RBFOX1: variants seen among roughly 807,000 people sequenced by gnomAD.
RBFOX1 encodes RNA binding fox-1 homolog 1, also known as RNA binding protein fox-1 homolog 1.
Under a neutral mutation model 57.7 loss-of-function variants are expected in RBFOX1, and 8 were observed. That is an observed-to-expected ratio of 0.14 (90% CI 0.08 to 0.25). The LOEUF (loss-of-function observed/expected upper bound fraction) is 0.25. Ranked by LOEUF, RBFOX1 falls within the 10% of genes least tolerant of loss-of-function variation. The pLI, the probability that RBFOX1 is intolerant of heterozygous loss-of-function variation, is 1.00. For synonymous variants in RBFOX1, 326 were observed against 222.4 expected (o/e 1.47, Z -4.15); for missense variants, 611 against 548.5 (o/e 1.11, Z -1.14).
At chr16:6,231,239 G>T (rs112584887) in intron 1 of RBFOX1, among the ~76,000 whole-genome samples, 46 of 149,342 alleles carry the variant, frequency 3.1e-4, no homozygotes, top group South Asian at 1.1e-3. Flanking sequence ...TGTGTGTGTA[G>T]GTGTGTGTGT....
downstream of RBFOX1, chr16:5,601,039 A>T (rs1350304886): frequency 6.6e-6 from 1 of 152,256 alleles, no homozygotes; most frequent in African/African-American, 2.4e-5. Flanking sequence ...AAGTCTGTGA[A>T]GTATTCTTCC....
At chr16:7,302,949 A>T (rs1470641045) in intron 4 of RBFOX1, among the ~76,000 whole-genome samples, 5 of 151,096 alleles carry the variant, frequency 3.3e-5, no homozygotes, top group East Asian at 3.9e-4. Flanking sequence ...AGGCAAGAAT[A>T]AAAAAAATAA....
At chr16:5,340,771 G>A (rs977027145) in intron 1 of RBFOX1, among the ~76,000 whole-genome samples, 5 of 152,186 alleles carry the variant, frequency 3.3e-5, no homozygotes, top group South Asian at 2.1e-4. Context: ...TGGAGACACC[G>A]TGATGAATAC....
At chr16:7,686,213 G>A (rs2076033097) in intron 14 of RBFOX1, among the ~76,000 whole-genome samples, 1 of 151,790 alleles carries the variant, frequency 6.6e-6, no homozygotes, top group Non-Finnish European at 1.5e-5. Flanking sequence ...AGTTTCCTGT[G>A]GAAACGGGTT....
intron 3 of RBFOX1, among the ~76,000 whole-genome samples, chr16:6,824,972 T>TTTCC (rs1409614962): frequency 1.4e-5 from 2 of 147,466 alleles, no homozygotes; most frequent in African/African-American, 5.0e-5. Context: ...TTCTTTTTTC[T>TTTCC]TTCTTTCTTG....
intron 4 of RBFOX1, among the ~76,000 whole-genome samples, chr16:5,953,405 T>C (rs745784017): frequency 2.6e-5 from 4 of 152,194 alleles, no homozygotes; most frequent in Non-Finnish European, 5.9e-5. Context: ...GTAAGTTCTT[T>C]AGGGGTGATT....
At chr16:5,390,392 G>T (rs189178120) in intron 1 of RBFOX1, among the ~76,000 whole-genome samples, 2 of 150,818 alleles carry the variant, frequency 1.3e-5, no homozygotes, top group African/African-American at 4.9e-5. Flanking sequence ...GGGTTCAAGC[G>T]ATTCTCCTGC....
intron 3 of RBFOX1, among the ~76,000 whole-genome samples, chr16:6,891,125 C>T (rs2065313849): frequency 6.6e-6 from 1 of 152,210 alleles, no homozygotes; most frequent in African/African-American, 2.4e-5. Flanking sequence ...TCATTAGTGA[C>T]TTTCAGTTAA....
intron 1 of RBFOX1, among the ~76,000 whole-genome samples, chr16:5,348,902 A>G (rs904700191): frequency 1.3e-5 from 2 of 152,190 alleles, no homozygotes; most frequent in African/African-American, 4.8e-5. Flanking sequence ...TCTCTCTGAG[A>G]TCCTAATTTC....
chr16:6,341,119 A>T (rs1404156729), intron 2 of RBFOX1, among the ~76,000 whole-genome samples: 1 of 152,184 alleles, frequency 6.6e-6, no homozygotes, highest in East Asian at 1.9e-4. Flanking sequence ...TTTCTGTCTT[A>T]CAGTTCTGGA....
At chr16:5,952,518 C>G (rs904375964) in intron 4 of RBFOX1, among the ~76,000 whole-genome samples, 1 of 152,150 alleles carries the variant, frequency 6.6e-6, no homozygotes, top group African/African-American at 2.4e-5. Context: ...AACCACTGAC[C>G]TCAGGTGATC....
At chr16:5,671,647 C>T (rs945841198) in intron 3 of RBFOX1, among the ~76,000 whole-genome samples, 4 of 152,126 alleles carry the variant, frequency 2.6e-5, no homozygotes, top group African/African-American at 9.7e-5. Flanking sequence ...TACAGAAATG[C>T]ACAGTTTGAT....
chr16:5,659,066 CT>C (rs2049558424), intron 3 of RBFOX1, among the ~76,000 whole-genome samples: 1 of 151,848 alleles, frequency 6.6e-6, no homozygotes, highest in African/African-American at 2.4e-5. Context: ...GCTTTTAGTT[CT>C]TTAAGGAATC....
intron 1 of RBFOX1, among the ~76,000 whole-genome samples, chr16:5,274,695 G>C (rs1286648420): frequency 6.6e-6 from 1 of 152,182 alleles, no homozygotes; most frequent in Non-Finnish European, 1.5e-5. Context: ...TTAGTGGATG[G>C]GTTATTTTGC....
chr16:6,088,979 C>T (rs2152526104), intron 1 of RBFOX1, among the ~76,000 whole-genome samples: 1 of 151,628 alleles, frequency 6.6e-6, no homozygotes, highest in East Asian at 1.9e-4. Context: ...GCCTGTAATC[C>T]CAGCTACTCG....
chr16:5,911,123 C>T (rs2058592653), intron 4 of RBFOX1, among the ~76,000 whole-genome samples: 1 of 152,150 alleles, frequency 6.6e-6, no homozygotes, highest in Non-Finnish European at 1.5e-5. Flanking sequence ...ATTGGACTGG[C>T]ATTGATGGAG....
chr16:7,616,309 G>A lies in RBFOX1; in HGVS notation c.676+8971G>A, dbSNP rs2058434488. Among the ~76,000 whole-genome samples, 4 of 152,220 alleles carry A rather than the reference G, an allele frequency of 2.6e-5. No homozygotes were observed. In the South Asian group the frequency reaches 8.3e-4, roughly 32 times the overall value. ...TCTCACCGTGCAGTCACACAGATGT[G>A]CTTAATTTTTCCAGAAATGGCATGT... On this transcript the variant is annotated intron_variant, in intron 10 of 15. Coordinates refer to ENST00000550418, the MANE Select transcript of RBFOX1 (RefSeq NM_018723.4).
intron 3 of RBFOX1, among the ~76,000 whole-genome samples, chr16:5,770,611 C>G (rs934182490): frequency 1.3e-4 from 20 of 152,052 alleles, no homozygotes; most frequent in African/African-American, 4.8e-4. Context: ...CTCTGTTGCT[C>G]TAGTAAACAC....
intron 3 of RBFOX1, among the ~76,000 whole-genome samples, chr16:5,758,885 A>C (rs1435012389): frequency 6.6e-6 from 1 of 152,202 alleles, no homozygotes; most frequent in African/African-American, 2.4e-5. Flanking sequence ...CTGACCCTCC[A>C]TGCAACATGA....
Sources: gnomAD v4.1 joint callset for allele counts (sites outside exome capture counted in the v4.1 genomes callset) on GRCh38, gnomAD v4.1.1 for gene constraint, MANE v1.5 for transcripts, NCBI Gene and HGNC (gene_info 2026-07-23, HGNC 2026-07-21) for gene names.